The following XKR9 variants were observed in gnomAD, a reference collection of about 807,000 sequenced individuals.
XKR9 encodes the protein XK-related protein 9.
Under a neutral mutation model 32.0 loss-of-function variants are expected in XKR9, and 32 were observed. The observed-to-expected ratio is 1.00, with a 90% CI of 0.76 to 1.34. The LOEUF (loss-of-function observed/expected upper bound fraction) is 1.34, where lower values mean the gene tolerates loss of function less well. Ranked by LOEUF, XKR9 falls within the 40% of genes most tolerant of loss-of-function variation. The probability of loss-of-function intolerance (pLI) is 0.00; values close to 1 mark genes in which losing one functional copy is unlikely to be tolerated. For synonymous variants in XKR9, 168 were observed against 143.4 expected, an observed-to-expected ratio of 1.17 and a Z score of -1.22; for missense variants, 546 against 429.7, an observed-to-expected ratio of 1.27 and a Z score of -2.39.
chr8:70,758,420 A>G (rs1807260314), intron 2 of XKR9, among the ~76,000 whole-genome samples: 1 of 152,208 alleles, frequency 6.6e-6, no homozygotes, highest in Non-Finnish European at 1.5e-5. Context: ...TTTGGACAGA[A>G]AAGTTTCTGA....
chr8:70,959,653 A>G, the XKR9 span, among the ~76,000 whole-genome samples: 2 of 152,304 alleles, frequency 1.3e-5, no homozygotes, highest in Non-Finnish European at 2.9e-5. Context: ...TCTAATTTCA[A>G]TCATTTTCAA....
intron 3 of XKR9, among the ~76,000 whole-genome samples, chr8:70,701,900 C>G (rs1392900581): frequency 6.6e-6 from 1 of 152,082 alleles, no homozygotes; most frequent in Non-Finnish European, 1.5e-5. Context: ...TGATAAAAAC[C>G]TCTCTCTGCC....
At chr8:70,902,010 T>C in the XKR9 span, among the ~76,000 whole-genome samples, 1 of 152,208 alleles carries the variant, frequency 6.6e-6, no homozygotes, top group Non-Finnish European at 1.5e-5. Context: ...TTTGTTCCAT[T>C]GGTCTATATA....
chr8:70,848,210 G>T, the XKR9 span, among the ~76,000 whole-genome samples: 2 of 151,954 alleles, frequency 1.3e-5, no homozygotes, highest in African/African-American at 2.4e-5. Flanking sequence ...GAACCAAGAA[G>T]AAATTATATG....
At chr8:70,915,400 C>A in the XKR9 span, among the ~76,000 whole-genome samples, 1 of 152,098 alleles carries the variant, frequency 6.6e-6, no homozygotes. Context: ...CAAAATTAAA[C>A]TATAAACTAA....
chr8:70,719,495 A>T (rs1336997650), intron 4 of XKR9, among the ~76,000 whole-genome samples: 1 of 152,184 alleles, frequency 6.6e-6, no homozygotes, highest in African/African-American at 2.4e-5. Flanking sequence ...TGTTTAAGGA[A>T]GGGATCAAGT....
the XKR9 span, among the ~76,000 whole-genome samples, chr8:70,979,203 G>A: frequency 6.6e-6 from 1 of 152,176 alleles, no homozygotes; most frequent in Non-Finnish European, 1.5e-5. Context: ...GCTCAGAGAA[G>A]TTTGTTATTA....
the XKR9 span, among the ~76,000 whole-genome samples, chr8:70,861,545 G>A: frequency 4.6e-5 from 7 of 152,044 alleles, no homozygotes; most frequent in Non-Finnish European, 8.8e-5. Flanking sequence ...AGCTACTAGG[G>A]AGGCTGAGGC....
the XKR9 span, among the ~76,000 whole-genome samples, chr8:70,891,319 T>C: frequency 6.6e-6 from 1 of 151,990 alleles, no homozygotes; most frequent in Admixed American, 6.6e-5. Flanking sequence ...TATTATTTCT[T>C]CCTTAGACTA....
chr8:70,793,497 C>T (rs991165343), downstream of XKR9, among the ~76,000 whole-genome samples: 4 of 152,032 alleles, frequency 2.6e-5, no homozygotes, highest in African/African-American at 4.8e-5. Flanking sequence ...CAGAGTACAC[C>T]CCACTAGCAC....
At chr8:70,862,078 T>C in the XKR9 span, among the ~76,000 whole-genome samples, 1 of 152,164 alleles carries the variant, frequency 6.6e-6, no homozygotes, top group African/African-American at 2.4e-5. Context: ...ATCACCAGTG[T>C]GATTTATTGG....
chr8:70,707,062 C>G lies in XKR9; in HGVS notation c.402C>G (p.Leu134=). ...ATAGAGTGACTGATTTGAGCATGCT[C>G]AGACTATTTGAGACCTACCTGGAAG... The part of the protein sequence containing the change: ...VIDRVTDLSM[L]RLFETYLEGC... The change falls in exon 4 of 5, where the codon CTC becomes CTG. Residue 134 remains leucine (L), a synonymous_variant. Coordinates refer to ENST00000408926, the MANE Select transcript of XKR9 (RefSeq NM_001011720.2). The G allele has an allele frequency of 6.2e-7, 1 of 1,613,442 alleles. No individual in the cohort carries two copies. The highest frequency in any genetic ancestry group is 8.5e-7 in the Non-Finnish European group (1 of 1,179,520).
intron 4 of XKR9, among the ~76,000 whole-genome samples, chr8:70,716,591 A>G (rs943982166): frequency 1.6e-4 from 24 of 152,130 alleles, no homozygotes; most frequent in African/African-American, 5.3e-4. Flanking sequence ...AACATGGGGG[A>G]AACTACCCCT....
intron 3 of XKR9, among the ~76,000 whole-genome samples, chr8:70,693,335 C>T (rs1177523454): frequency 6.6e-6 from 1 of 152,080 alleles, no homozygotes; most frequent in Non-Finnish European, 1.5e-5. Context: ...GCTGTTGAAG[C>T]TTTGGGGGTA....
chr8:70,933,978 A>G, the XKR9 span, among the ~76,000 whole-genome samples: 4 of 152,080 alleles, frequency 2.6e-5, no homozygotes, highest in Non-Finnish European at 4.4e-5. Flanking sequence ...ACCAAATCTC[A>G]GAAAAGTTAA....
rs778737522 is a variant in XKR9, at chr8:70,734,546, A to T, written c.*122A>T. On this transcript the variant is annotated 3_prime_UTR_variant, in exon 5 of 5. Coordinates refer to ENST00000408926, the MANE Select transcript of XKR9 (RefSeq NM_001011720.2). ...CCTTTAATTTGAAATTAGTTCAGTG[A>T]AATAGGAGATACATAGTAGTATTTT... 9.8e-5 allele frequency: 124 copies of T among 1,269,660 alleles called. 1 individual carries two copies. Among genetic ancestry groups the T allele is most frequent in the Non-Finnish European group, 1.2e-4 (121 of 981,024 alleles). The allele number at this position is 1,269,660 out of a possible 1,614,324, so 78.6% of individuals were successfully genotyped here.
At chr8:70,829,158 A>G in the XKR9 span, among the ~76,000 whole-genome samples, 1 of 152,244 alleles carries the variant, frequency 6.6e-6, no homozygotes, top group Non-Finnish European at 1.5e-5. Context: ...CCTGAACTCA[A>G]ATCCAAGCTT....
the XKR9 span, among the ~76,000 whole-genome samples, chr8:70,917,364 G>T: frequency 1.3e-5 from 2 of 152,052 alleles, no homozygotes; most frequent in African/African-American, 4.8e-5. Flanking sequence ...TTCTCACTCT[G>T]GTGGAATATA....
At chr8:70,738,584 C>A (rs896726532), downstream of XKR9, among the ~76,000 whole-genome samples, 38 of 151,280 alleles carry the variant, frequency 2.5e-4, 1 homozygote, top group African/African-American at 9.0e-4. Flanking sequence ...TTTGATCTTT[C>A]CTGCTTTCTC....
Sources: allele counts gnomAD v4.1 joint callset (sites outside exome capture counted in the v4.1 genomes callset), GRCh38; gene constraint gnomAD v4.1.1; transcripts MANE v1.5; gene names NCBI Gene and HGNC (gene_info 2026-07-23, HGNC 2026-07-21).